The following MTCL1 variants were observed in gnomAD, a reference collection of about 807,000 sequenced individuals.
MTCL1 encodes the protein microtubule cross-linking factor 1.
Under a neutral mutation model 141.4 loss-of-function variants are expected in MTCL1, and 79 were observed. The observed-to-expected ratio is 0.56, with a 90% CI of 0.47 to 0.67. The LOEUF (loss-of-function observed/expected upper bound fraction) is 0.67, where lower values mean the gene tolerates loss of function less well. Among genes scored for constraint, MTCL1 ranks in the 30% least tolerant of loss-of-function variants. MTCL1 has a pLI of 0.00. For synonymous variants in MTCL1, 914 were observed against 875.8 expected (o/e 1.04, Z -0.77); for missense variants, 2,177 against 2,113.9 (o/e 1.03, Z -0.59).
chr18:8,812,463 C>G (rs189850067), intron 11 of MTCL1, among the ~76,000 whole-genome samples: 5 of 152,308 alleles, frequency 3.3e-5, no homozygotes, highest in African/African-American at 1.2e-4. Context: ...CTGGAATTCT[C>G]TCGTCTTTGT....
intron 4 of MTCL1, among the ~76,000 whole-genome samples, chr18:8,741,206 G>C (rs1010747792): frequency 6.6e-6 from 1 of 152,206 alleles, no homozygotes; most frequent in Non-Finnish European, 1.5e-5. Flanking sequence ...CATGAAGTTA[G>C]ATGTCTGGAC....
At chr18:8,798,155 A>C (rs1176750484) in exon 10 of MTCL1, 1 of 1,596,046 alleles carries the variant, frequency 6.3e-7, no homozygotes. Flanking sequence ...GGGGGTCACC[A>C]GGCGGATGGC....
chr18:8,784,587 G>A (rs770518421), exon 6 of MTCL1: 2 of 1,611,406 alleles, frequency 1.2e-6, no homozygotes, highest in African/African-American at 1.3e-5. Context: ...CCCTTACCGG[G>A]GCCTGGCCTC....
chr18:8,750,571 A>C (rs1353974875), intron 4 of MTCL1, among the ~76,000 whole-genome samples: 1 of 152,128 alleles, frequency 6.6e-6, no homozygotes, highest in African/African-American at 2.4e-5. Context: ...TCTATCTTCT[A>C]ATCAGATGGA....
chr18:8,734,210 C>G (rs1417927164), intron 4 of MTCL1, among the ~76,000 whole-genome samples: 1 of 151,902 alleles, frequency 6.6e-6, no homozygotes, highest in Non-Finnish European at 1.5e-5. Context: ...GGTAGCACCC[C>G]CCCTCCCCAA....
At chr18:8,819,906 C>G (rs1430530774) in intron 13 of MTCL1, among the ~76,000 whole-genome samples, 1 of 152,170 alleles carries the variant, frequency 6.6e-6, no homozygotes, top group Non-Finnish European at 1.5e-5. Flanking sequence ...CTACCACACC[C>G]AGCCTCAACT....
intron 4 of MTCL1, among the ~76,000 whole-genome samples, chr18:8,732,457 A>G (rs1243870620): frequency 6.6e-6 from 1 of 152,046 alleles, no homozygotes; most frequent in Non-Finnish European, 1.5e-5. Context: ...AGAGTCAGAG[A>G]AATAGAAATG....
Position 8,807,075 on chromosome 18 carries a change from G to C in MTCL1, c.2604+15G>C, listed in dbSNP as rs777364597. 6.2e-7 allele frequency: 1 copy of C among 1,606,838 alleles called. No homozygotes were observed. Among genetic ancestry groups the C allele is most frequent in the South Asian group, 1.1e-5 (1 of 89,890 alleles). On this transcript the variant is annotated intron_variant, in intron 11 of 16. Transcript: ENST00000359865. ...GTCTGGAACAGGTACCACCCTCCCA[G>C]GTCTCCCTCGATCCTGACTGTGTGT...
At chr18:8,732,547 C>G (rs185048115) in intron 4 of MTCL1, among the ~76,000 whole-genome samples, 239 of 152,196 alleles carry the variant, frequency 1.6e-3, no homozygotes, top group African/African-American at 5.6e-3. Context: ...AGCCATCGTA[C>G]GTTGAAATGG....
chr18:8,727,592 A>G (rs1179717065), intron 4 of MTCL1, among the ~76,000 whole-genome samples: 1 of 152,148 alleles, frequency 6.6e-6, no homozygotes, highest in African/African-American at 2.4e-5. Context: ...CATGTCTTCA[A>G]TTGAGAAATG....
At chr18:8,808,049 T>A (rs975704070) in intron 11 of MTCL1, among the ~76,000 whole-genome samples, 1 of 149,702 alleles carries the variant, frequency 6.7e-6, no homozygotes, top group East Asian at 1.9e-4. Flanking sequence ...TACCCACAAG[T>A]TCCCCTGCAT....
chr18:8,795,203 A>C (rs913436071), intron 8 of MTCL1, among the ~76,000 whole-genome samples: 1 of 152,262 alleles, frequency 6.6e-6, no homozygotes, highest in African/African-American at 2.4e-5. Context: ...ACTGGCCTTT[A>C]GCACATTGGC....
intron 11 of MTCL1, among the ~76,000 whole-genome samples, chr18:8,812,074 A>G (rs995517387): frequency 2.1e-5 from 3 of 142,674 alleles, no homozygotes; most frequent in African/African-American, 7.8e-5. Flanking sequence ...TTACCTCTAC[A>G]TATTCTGTAA....
intron 3 of MTCL1, among the ~76,000 whole-genome samples, chr18:8,719,630 A>G (rs2096154438): frequency 6.6e-6 from 1 of 152,154 alleles, no homozygotes; most frequent in Admixed American, 6.5e-5. Flanking sequence ...AGGCACCATC[A>G]TAGCTCACTG....
At chr18:8,756,897 C>G (rs1276585649) in intron 4 of MTCL1, among the ~76,000 whole-genome samples, 1 of 152,300 alleles carries the variant, frequency 6.6e-6, no homozygotes, top group Middle Eastern at 3.4e-3. Flanking sequence ...CTCCTAGTGG[C>G]TGTCGTTGTC....
intron 4 of MTCL1, among the ~76,000 whole-genome samples, chr18:8,750,997 C>G (rs2148952746): frequency 6.6e-6 from 1 of 152,250 alleles, no homozygotes; most frequent in Admixed American, 6.5e-5. Flanking sequence ...TGGCCAGGCC[C>G]TCTCGTGCTC....
At chr18:8,775,408 TAAAA>T (rs780102071) in intron 4 of MTCL1, among the ~76,000 whole-genome samples, 1 of 92,962 alleles carries the variant, frequency 1.1e-5, no homozygotes, top group Non-Finnish European at 2.2e-5. Context: ...TCGTCTCTAC[TAAAA>T]AAAAAAAAAA....
At chr18:8,736,020 G>T (rs1248535398) in intron 4 of MTCL1, among the ~76,000 whole-genome samples, 1 of 152,176 alleles carries the variant, frequency 6.6e-6, no homozygotes, top group East Asian at 1.9e-4. Flanking sequence ...AAGGCTGTGT[G>T]TGTAGGAAAT....
chr18:8,780,268 C>A (rs988966635), intron 5 of MTCL1, among the ~76,000 whole-genome samples: 1 of 152,252 alleles, frequency 6.6e-6, no homozygotes, highest in African/African-American at 2.4e-5. Flanking sequence ...CTGGTCCACA[C>A]GCCTGTTTGA....
Sources: allele counts gnomAD v4.1 joint callset (sites outside exome capture counted in the v4.1 genomes callset), GRCh38; gene constraint gnomAD v4.1.1; transcripts MANE v1.5; gene names NCBI Gene and HGNC (gene_info 2026-07-23, HGNC 2026-07-21).